PRSS27: variants seen among roughly 807,000 people sequenced by gnomAD.
PRSS27 encodes serine protease 27.
A neutral mutation model predicts 32.0 loss-of-function variants in PRSS27; 25 were observed. That is an observed-to-expected ratio of 0.78 (90% CI 0.57 to 1.09). The LOEUF is 1.09. Ranked by LOEUF, PRSS27 falls within the 50% of genes least tolerant of loss-of-function variation. The probability of loss-of-function intolerance (pLI) is 0.00; values close to 1 mark genes in which losing one functional copy is unlikely to be tolerated. For synonymous variants in PRSS27, 178 were observed against 172.2 expected, an observed-to-expected ratio of 1.03 and a Z score of -0.26; for missense variants, 401 against 394.9, an observed-to-expected ratio of 1.02 and a Z score of -0.13.
rs1172421553 is a variant in PRSS27, at chr16:2,714,383, G to T, written c.237-47C>A. 6.3e-7 allele frequency: 1 copy of T among 1,597,648 alleles called. No individual in the cohort carries two copies. Among genetic ancestry groups the T allele is most frequent in the Non-Finnish European group, 8.5e-7 (1 of 1,176,764 alleles). On this transcript the variant is annotated intron_variant, in intron 3 of 5. Coordinates refer to ENST00000302641, the MANE Select transcript of PRSS27 (RefSeq NM_031948.5). The surrounding 1 kb of genome is among the most constrained non-coding windows in gnomAD (Gnocchi z 4.7). ...CGGCGTGAGGCGGCCCCTCGTGTGGGGACAGGCCCGGGAGGGGCTGGGGCT... is the reference window on the plus strand; with the variant it reads ...CGGCGTGAGGCGGCCCCTCGTGTGGTGACAGGCCCGGGAGGGGCTGGGGCT...
chr16:2,719,133 C>T lies in PRSS27; in HGVS notation c.46+982G>A, dbSNP rs141525672. ...CCTCTGGTCACAGCTGTTAGTGAAC[C>T]GACTGCAAAACTCATTGCCAAAGAG... On this transcript the variant is annotated intron_variant, in intron 1 of 5. Coordinates refer to ENST00000302641, the MANE Select transcript of PRSS27 (RefSeq NM_031948.5). 3.3e-5 allele frequency among the ~76,000 whole-genome samples: 5 copies of T among 152,276 alleles called. No individual in the cohort carries two copies. In the East Asian group the frequency reaches 9.6e-4, roughly 29 times the overall value.
Position 2,712,926 on chromosome 16 carries a change from A to G in PRSS27, c.679-112T>C. The G allele has an allele frequency of 1.4e-5, 12 of 872,520 alleles. No homozygotes were observed. In the South Asian group the frequency reaches 2.1e-4, roughly 15 times the overall value. 54.0% of individuals were successfully genotyped at this position (872,520 alleles called of 1,614,324 possible). A position where few individuals can be genotyped will look rare whatever the true frequency, so the allele number is the denominator to read the frequency against. ...AATGGATTCCTTCTCTCCATCCCAG[A>G]GCCTCTCTGCCCGGCTCCCCATCCC... On this transcript the variant is annotated intron_variant, in intron 5 of 5. Coordinates refer to ENST00000302641, the MANE Select transcript of PRSS27 (RefSeq NM_031948.5). The surrounding 1 kb of genome is among the most constrained non-coding windows in gnomAD (Gnocchi z 4.6).
rs981988476 is a variant in PRSS27 at position 2,714,049 on chromosome 16, A to G, written c.508+16T>C. ...TGAGGCATATCCCCCATTCTTTCCC[A>G]GCCCTGTCCCCTTACCTTCCTCACT... On this transcript the variant is annotated intron_variant, in intron 4 of 5. Transcript: ENST00000302641. This position sits in a 1 kb window ranked among gnomAD's most constrained non-coding sequence, Gnocchi z 4.7. The G allele has an allele frequency of 6.3e-7, 1 of 1,589,640 alleles. No homozygotes were observed. Among genetic ancestry groups the G allele is most frequent in the Admixed American group, 1.7e-5 (1 of 57,616 alleles).
rs773730183 is a variant in PRSS27 at position 2,713,577 on chromosome 16, A to G, written c.630T>C (p.Asn210=). The change falls in exon 5 of 6, where the codon AAT becomes AAC. Residue 210 remains asparagine, a synonymous_variant. Transcript: ENST00000302641. Reference sequence around the variant, plus strand: ...CCTCGAAGCCGGCGCACAGCATGTCATTCTTGATGGTTTTGGGTTGGTAGC... The same window carrying G: ...CCTCGAAGCCGGCGCACAGCATGTCGTTCTTGATGGTTTTGGGTTGGTAGC... ...EFGYQPKTIK[N]DMLCAGFEEG... 4.3e-6 allele frequency: 7 copies of G among 1,613,994 alleles called. No individual in the cohort carries two copies. Among genetic ancestry groups the G allele is most frequent in the Admixed American group, 1.7e-5 (1 of 60,008 alleles).
Position 2,720,180 on chromosome 16 carries a change from G to A in PRSS27, c.-20C>T, listed in dbSNP as rs1306449543. Reference sequence around the variant, plus strand: ...CCTCATGTCCTCAGGCCTGGCTGGGGCGCAGGGCCGTGGTCGGCGGTGGCA... The same window carrying A: ...CCTCATGTCCTCAGGCCTGGCTGGGACGCAGGGCCGTGGTCGGCGGTGGCA... On this transcript the variant is annotated 5_prime_UTR_variant, in exon 1 of 6. Coordinates refer to ENST00000302641, the MANE Select transcript of PRSS27 (RefSeq NM_031948.5). 6.3e-7 allele frequency: 1 copy of A among 1,582,152 alleles called. No individual in the cohort carries two copies. The highest frequency in any genetic ancestry group is 8.6e-7 in the Non-Finnish European group (1 of 1,164,302).
chr16:2,716,362 G>C, intron 2 of PRSS27, 138 bp downstream of exon 2: 2 of 814,180 alleles, frequency 2.5e-6, no homozygotes, highest in South Asian at 1.5e-5. Flanking sequence ...CTGGGCTCCA[G>C]TTCCACACAG....
chr16:2,719,451 A>T (rs539543968), intron 1 of PRSS27, among the ~76,000 whole-genome samples: 9 of 152,204 alleles, frequency 5.9e-5, no homozygotes, highest in African/African-American at 2.2e-4. Flanking sequence ...CAGGAATGTG[A>T]GAGGTTTTCC....
At chr16:2,719,187 C>T (rs770625155) in intron 1 of PRSS27, among the ~76,000 whole-genome samples, 8 of 152,136 alleles carry the variant, frequency 5.3e-5, no homozygotes, top group East Asian at 1.9e-4. Flanking sequence ...TTCCTCACCC[C>T]GCTCAGGGGC....
At chr16:2,715,693 C>A (rs1490454925) in intron 3 of PRSS27, 25 bp downstream of exon 3, 12 of 1,535,946 alleles carry the variant, frequency 7.8e-6, no homozygotes, top group East Asian at 2.3e-5. Context: ...GCGCTATGGG[C>A]GGGGGCAGGG....
At chr16:2,713,332 T>C in intron 5 of PRSS27, 197 bp downstream of exon 5, 1 of 627,540 alleles carries the variant, frequency 1.6e-6, no homozygotes, top group Non-Finnish European at 2.9e-6. Context: ...TCTCCTGACC[T>C]TGTGATCCAC....
In PRSS27 at chr16:2,720,127, GC is replaced by G; in HGVS notation, c.33del (p.Leu12CysfsTer21). The G allele has an allele frequency of 1.2e-6, 2 of 1,603,928 alleles. No homozygotes were observed. Among genetic ancestry groups the G allele is most frequent in the Non-Finnish European group, 1.7e-6 (2 of 1,175,724 alleles). On this transcript the variant is annotated frameshift_variant, in exon 1 of 6. Coordinates refer to ENST00000302641, the MANE Select transcript of PRSS27 (RefSeq NM_031948.5). LOFTEE classifies it high-confidence loss of function. Reference sequence around the variant, plus strand: ...CTTCACGACTCACCAAAACACAGCAGCAGCAGGAGCGGCACCGCCGCCGGCC... The same window carrying G: ...CTTCACGACTCACCAAAACACAGCAGAGCAGGAGCGGCACCGCCGCCGGCC... MRRPAAVPLL[L>X]LLCFGSQRAK...
chr16:2,712,857 C>T lies in PRSS27; in HGVS notation c.679-43G>A, dbSNP rs769152368. 1 of 1,432,390 alleles carries T rather than the reference C, an allele frequency of 7.0e-7. No individual in the cohort carries two copies. The allele number at this position is 1,432,390 out of a possible 1,614,324, so 88.7% of individuals were successfully genotyped here. A position where few individuals can be genotyped will look rare whatever the true frequency, so the allele number is the denominator to read the frequency against. On this transcript the variant is annotated intron_variant, in intron 5 of 5. Coordinates refer to ENST00000302641, the MANE Select transcript of PRSS27 (RefSeq NM_031948.5). This position sits in a 1 kb window ranked among gnomAD's most constrained non-coding sequence, Gnocchi z 4.6. ...TCACCGTCAGAGCCCACCTTGAGTT[C>T]CCAGAGACTCAGTTGCAGCCGCACA...
In PRSS27 at chr16:2,712,877, C is replaced by G; in HGVS notation, c.679-63G>C. ...GAGTTCCCAGAGACTCAGTTGCAGC[C>G]GCACAGGAGGTGTGTAGCTCCGCAA... is the stretch of plus-strand genomic sequence containing the variant. On this transcript the variant is annotated intron_variant, in intron 5 of 5. Transcript: ENST00000302641. The surrounding 1 kb of genome is among the most constrained non-coding windows in gnomAD (Gnocchi z 4.6). The G allele has an allele frequency of 5.3e-6, 7 of 1,318,388 alleles. No homozygotes were observed. The highest frequency in any genetic ancestry group is 1.5e-5 in the South Asian group (1 of 67,680). The allele number at this position is 1,318,388 out of a possible 1,614,324, so 81.7% of individuals were successfully genotyped here.
intron 5 of PRSS27, chr16:2,713,189 C>T (rs2067675104): frequency 4.4e-6 from 2 of 456,748 alleles, no homozygotes; most frequent in Non-Finnish European, 8.1e-6. Flanking sequence ...AGCTCCGCCT[C>T]CCAGGTTCGC....
chr16:2,716,323 T>C, intron 2 of PRSS27, 177 bp downstream of exon 2: 1 of 660,148 alleles, frequency 1.5e-6, no homozygotes, highest in South Asian at 1.7e-5. Flanking sequence ...CGTCCTGCTC[T>C]TGTGTGGACC....
chr16:2,716,290 G>A (rs1028073506), intron 2 of PRSS27: 10 of 610,750 alleles, frequency 1.6e-5, no homozygotes, highest in South Asian at 3.8e-5. Context: ...ATCCTGCACC[G>A]CGCCTCAAGG....
chr16:2,716,519 C>G lies in PRSS27; in HGVS notation c.54G>C (p.Gln18His). Residue 18 changes from glutamine to histidine, a missense_variant, in exon 2 of 6, where the codon CAG (glutamine) becomes CAC (histidine). By Grantham distance (24) the Gln-to-His change is conservative. Coordinates refer to ENST00000302641, the MANE Select transcript of PRSS27 (RefSeq NM_031948.5). ...GCTTACCTGTTGCTGCCTTGGCCCT[C>G]TGAGACCCTGGAAGTGAGGAGAGGG... ...PLLLLLCFGS[Q>H]RAKAATACGR... 4.4e-6 allele frequency: 7 copies of G among 1,603,632 alleles called. No individual in the cohort carries two copies. The highest frequency in any genetic ancestry group is 5.9e-6 in the Non-Finnish European group (7 of 1,177,536).
intron 1 of PRSS27, among the ~76,000 whole-genome samples, chr16:2,719,637 G>A (rs2067722772): frequency 1.3e-5 from 2 of 152,276 alleles, no homozygotes; most frequent in South Asian, 4.1e-4. Context: ...GCTCTCTACT[G>A]AGCCTGCAGC....
chr16:2,713,344 C>T (rs1042560348), intron 5 of PRSS27, 185 bp downstream of exon 5: 8 of 655,924 alleles, frequency 1.2e-5, no homozygotes, highest in East Asian at 5.7e-5. Context: ...GTGATCCACC[C>T]TCCTTGGCCT....
Sources: gnomAD v4.1 joint callset for allele counts (sites outside exome capture counted in the v4.1 genomes callset) on GRCh38, gnomAD v4.1.1 for gene constraint, Gnocchi (gnomAD v3.1) non-coding constraint, MANE v1.5 for transcripts, NCBI Gene and HGNC (gene_info 2026-07-23, HGNC 2026-07-21) for gene names.